Variants in USF1 observed in about 807,000 individuals in gnomAD.
The protein encoded by USF1 is upstream transcription factor 1.
Under a neutral mutation model 46.3 loss-of-function variants are expected in USF1, and 22 were observed. The observed-to-expected ratio is 0.47, with a 90% CI of 0.34 to 0.68. USF1 has a LOEUF of 0.68. Among genes scored for constraint, USF1 ranks in the 30% least tolerant of loss-of-function variants. The pLI, the probability that USF1 is intolerant of heterozygous loss-of-function variation, is 0.01. For missense variants in USF1, 287 were observed against 399.3 expected, an observed-to-expected ratio of 0.72 and a Z score of 2.40; for synonymous variants, 150 against 147.0, an observed-to-expected ratio of 1.02 and a Z score of -0.15.
chr1:161,040,030 TA>T lies in USF1; in HGVS notation c.844-22del. The T allele has an allele frequency of 6.2e-7, 1 of 1,613,878 alleles. No homozygotes were observed. Among genetic ancestry groups the T allele is most frequent in the Non-Finnish European group, 8.5e-7 (1 of 1,179,838 alleles). ...TCCACCTGACATGGGAAGGAGGCAG[TA>T]AAGGGAATGGGTAGTAAAGCTGGCA... On this transcript the variant is annotated intron_variant, in intron 10 of 10. Transcript: ENST00000368021. This position sits in a 1 kb window ranked among gnomAD's most constrained non-coding sequence, Gnocchi z 4.0.
chr1:161,039,940 T>G lies in USF1; in HGVS notation c.913A>C (p.Ile305Leu). 6.2e-7 allele frequency: 1 copy of G among 1,614,216 alleles called. No individual in the cohort carries two copies. Among genetic ancestry groups the G allele is most frequent in the East Asian group, 2.2e-5 (1 of 44,882 alleles). Residue 305 changes from isoleucine to leucine, a missense_variant, in exon 11 of 11, where the codon ATC (isoleucine) becomes CTC (leucine). Physicochemically the swap from Ile to Leu is conservative, Grantham distance 5 (BLOSUM62 2). Coordinates refer to ENST00000368021, the MANE Select transcript of USF1 (RefSeq NM_007122.5). ...CATAGTTAGTTGCTGTCATTCTTGA[T>G]GACGACCTCTAATCCGTGGTGCCGC... The part of the protein sequence containing the change: ...QLRHHGLEVV[I>L]KNDSN
In USF1 at chr1:161,039,944, G is replaced by C. The variant is rs754880813; in HGVS notation, c.909C>G (p.Val303=). 1.2e-6 allele frequency: 2 copies of C among 1,614,174 alleles called. No homozygotes were observed. Among genetic ancestry groups the C allele is most frequent in the Admixed American group, 1.7e-5 (1 of 60,020 alleles). ...RAQLRHHGLE[V]VIKNDSN is the part of the protein sequence containing the mutation. ...GTTAGTTGCTGTCATTCTTGATGAC[G>C]ACCTCTAATCCGTGGTGCCGCAACT... Residue 303 remains valine, a synonymous_variant, in exon 11 of 11, where the codon GTC becomes GTG. Transcript: ENST00000368021.
rs778763445 is a variant in USF1, at chr1:161,041,765, G to C, written c.358C>G (p.Pro120Ala). The C allele has an allele frequency of 3.1e-6, 5 of 1,614,116 alleles. No individual in the cohort carries two copies. The highest frequency in any genetic ancestry group is 1.7e-5 in the Admixed American group (1 of 60,018). The change falls in exon 6 of 11, where the codon CCC becomes GCC. Residue 120 changes from proline (P) to alanine (A), a missense_variant. Coordinates refer to ENST00000368021, the MANE Select transcript of USF1 (RefSeq NM_007122.5). Reference sequence around the variant, plus strand: ...GCCCCATCTCCCACTGCCGTGCTGGGGAAGTAAGTATAGTGCGTCTCAGCA... The same window carrying C: ...GCCCCATCTCCCACTGCCGTGCTGGCGAAGTAAGTATAGTGCGTCTCAGCA... ...TAAETHYTYF[P>A]STAVGDGAGG... is the part of the protein sequence containing the mutation.
At position 161,039,643 on chromosome 1, in the gene USF1, A is replaced by G. The variant is rs1650435401; in HGVS notation, c.*277T>C. 2.2e-6 allele frequency: 1 copy of G among 460,194 alleles called. No individual in the cohort carries two copies. Among genetic ancestry groups the G allele is most frequent in the Non-Finnish European group, 4.0e-6 (1 of 250,744 alleles). The allele number at this position is 460,194 out of a possible 1,614,324, so 28.5% of individuals were successfully genotyped here. On this transcript the variant is annotated 3_prime_UTR_variant, in exon 11 of 11. Coordinates refer to ENST00000368021, the MANE Select transcript of USF1 (RefSeq NM_007122.5). Reference sequence around the variant, plus strand: ...AGCCCCAGAGTTTAGTGTGTCCAGTATCCAGCATGGAGACAGCACATGCAT... The same window carrying G: ...AGCCCCAGAGTTTAGTGTGTCCAGTGTCCAGCATGGAGACAGCACATGCAT...
rs964931505 is a variant in USF1, at chr1:161,042,575, G to A, written c.154C>T (p.Arg52Ter). ...FPDPNVKYVF[R>*]TENGGQVMYR... ...CTTACCTGGCCCCCATTCTCAGTTC[G>A]GAAGACGTACTTGACGTTGGGGTCA... Residue 52 changes from arginine to a stop codon, truncating the protein, a stop_gained, in exon 4 of 11, where the codon CGA becomes TGA. Coordinates refer to ENST00000368021, the MANE Select transcript of USF1 (RefSeq NM_007122.5). LOFTEE classifies it high-confidence loss of function. 5.6e-6 allele frequency: 9 copies of A among 1,614,070 alleles called. No homozygotes were observed. Among genetic ancestry groups the A allele is most frequent in the African/African-American group, 1.3e-5 (1 of 74,924 alleles).
At position 161,039,952 on chromosome 1, in the gene USF1, A is replaced by G. The variant is rs1650454606; in HGVS notation, c.901T>C (p.Leu301=). ...CTGTCATTCTTGATGACGACCTCTA[A>G]TCCGTGGTGCCGCAACTGAGCTCGA... is the stretch of plus-strand genomic sequence containing the variant. ...LLRAQLRHHG[L]EVVIKNDSN Residue 301 remains leucine, a synonymous_variant, in exon 11 of 11, where the codon TTA becomes CTA. Transcript: ENST00000368021. The G allele has an allele frequency of 1.9e-6, 3 of 1,614,036 alleles. No individual in the cohort carries two copies. Among genetic ancestry groups the G allele is most frequent in the Non-Finnish European group, 2.5e-6 (3 of 1,180,036 alleles).
At chr1:161,041,137 C>G (rs1424310876) in intron 7 of USF1, among the ~76,000 whole-genome samples, 187 bp downstream of exon 7, 1 of 151,676 alleles carries the variant, frequency 6.6e-6, no homozygotes, top group African/African-American at 2.4e-5. Context: ...TGGTACATGT[C>G]TGTAGTTCCA....
At position 161,039,915 on chromosome 1, in the gene USF1, C is replaced by T. The variant is rs765518007; in HGVS notation, c.*5G>A. 4 of 1,614,006 alleles carry T rather than the reference C, an allele frequency of 2.5e-6. No homozygotes were observed. The highest frequency in any genetic ancestry group is 3.4e-6 in the Non-Finnish European group (4 of 1,180,012). ...CTTGGGCCCAAAGCCCCTGAATCCC[C>T]ATAGTTAGTTGCTGTCATTCTTGAT... On this transcript the variant is annotated 3_prime_UTR_variant, in exon 11 of 11. Coordinates refer to ENST00000368021, the MANE Select transcript of USF1 (RefSeq NM_007122.5).
rs776690861 is a variant in USF1, at chr1:161,040,802, G to T, written c.619+12C>A. 16 of 1,614,080 alleles carry T rather than the reference G, an allele frequency of 9.9e-6. 1 individual carries two copies. In the South Asian group the frequency reaches 1.4e-4, roughly 14 times the overall value. On this transcript the variant is annotated intron_variant, in intron 8 of 10. Transcript: ENST00000368021. This position sits in a 1 kb window ranked among gnomAD's most constrained non-coding sequence, Gnocchi z 4.0. ...ACCAGACAGCTTCTAGCTCCACCCAGATCATACCTACCTTCATTATGCTGA... is the reference window on the plus strand; with the variant it reads ...ACCAGACAGCTTCTAGCTCCACCCATATCATACCTACCTTCATTATGCTGA...
In USF1 at chr1:161,042,961, G is replaced by A. The variant is rs574423765; in HGVS notation, c.9-79C>T. ...CTCACTGGCCCAGTAACATATGGCT[G>A]CAAACTCATTGGCATTCCCAACAGA... On this transcript the variant is annotated intron_variant, in intron 2 of 10. Coordinates refer to ENST00000368021, the MANE Select transcript of USF1 (RefSeq NM_007122.5). 5.7e-6 allele frequency: 9 copies of A among 1,587,666 alleles called. No individual in the cohort carries two copies. In the African/African-American group the frequency reaches 8.0e-5, roughly 14 times the overall value.
In USF1 at chr1:161,039,794, C is replaced by T; in HGVS notation, c.*126G>A. 1.0e-6 allele frequency: 1 copy of T among 958,942 alleles called. No individual in the cohort carries two copies. The highest frequency in any genetic ancestry group is 1.6e-6 in the Non-Finnish European group (1 of 634,392). 59.4% of individuals were successfully genotyped at this position (958,942 alleles called of 1,614,324 possible). The stretch of plus-strand genomic sequence containing the variant: ...ATATCACAGGGCCTCAGTTCAAGGA[C>T]ACACCTTCTGAACTTCCCCCTGTCC... On this transcript the variant is annotated 3_prime_UTR_variant, in exon 11 of 11. Transcript: ENST00000368021.
In USF1 at chr1:161,040,457, AG is replaced by A; in HGVS notation, c.714+118del. ...GTGGTATAATATCTCCCAGGGATAC[AG>A]GAACCTCAGGGAGAGATAAGACTAC... On this transcript the variant is annotated intron_variant, in intron 9 of 10. Coordinates refer to ENST00000368021, the MANE Select transcript of USF1 (RefSeq NM_007122.5). The surrounding 1 kb of genome is among the most constrained non-coding windows in gnomAD (Gnocchi z 4.0). 1 of 1,553,788 alleles carries A rather than the reference AG, an allele frequency of 6.4e-7. No individual in the cohort carries two copies. The highest frequency in any genetic ancestry group is 2.3e-5 in the East Asian group (1 of 44,396).
intron 3 of USF1, 33 bp downstream of exon 3, chr1:161,042,800 G>A (rs2073655): frequency 0.26 from 415,849 of 1,613,734 alleles, 56,395 homozygotes; most frequent in Non-Finnish European, 0.27. Context: ...GCCATGATGG[G>A]TTCTTAGTCT....
rs1650499280 is a variant in USF1 at position 161,040,465 on chromosome 1, C to A, written c.714+111G>T. The stretch of plus-strand genomic sequence containing the variant: ...ATATCTCCCAGGGATACAGGAACCT[C>A]AGGGAGAGATAAGACTACTGTCATG... On this transcript the variant is annotated intron_variant, in intron 9 of 10. Transcript: ENST00000368021. This position sits in a 1 kb window ranked among gnomAD's most constrained non-coding sequence, Gnocchi z 4.0. 2 of 1,556,324 alleles carry A rather than the reference C, an allele frequency of 1.3e-6. No homozygotes were observed. The highest frequency in any genetic ancestry group is 1.7e-6 in the Non-Finnish European group (2 of 1,146,578).
Position 161,040,946 on chromosome 1 carries a change from A to T in USF1, c.561-74T>A, listed in dbSNP as rs1571047036. 6.3e-7 allele frequency: 1 copy of T among 1,596,740 alleles called. No individual in the cohort carries two copies. Among genetic ancestry groups the T allele is most frequent in the Non-Finnish European group, 8.6e-7 (1 of 1,168,100 alleles). On this transcript the variant is annotated intron_variant, in intron 7 of 10. Transcript: ENST00000368021. This position sits in a 1 kb window ranked among gnomAD's most constrained non-coding sequence, Gnocchi z 4.0. ...TTGAAGTTTGGGGTTAAGGAATTAT[A>T]CAAGATTTAGCAGGTATTAGGACCA... is the stretch of plus-strand genomic sequence containing the variant.
intron 1 of USF1, among the ~76,000 whole-genome samples, chr1:161,045,095 A>G (rs1245158824): frequency 1.3e-5 from 2 of 152,222 alleles, no homozygotes; most frequent in Admixed American, 6.5e-5. Context: ...TTCAAACCTG[A>G]AGAGGAAATG....
chr1:161,044,231 C>T (rs1310892825), intron 1 of USF1, among the ~76,000 whole-genome samples: 2 of 152,196 alleles, frequency 1.3e-5, no homozygotes, highest in African/African-American at 4.8e-5. Flanking sequence ...GCATGAGCCA[C>T]CGCACCCAGC....
rs1408145308 is a variant in USF1 at position 161,040,878 on chromosome 1, A to G, written c.561-6T>C. 1.9e-6 allele frequency: 3 copies of G among 1,614,006 alleles called. No individual in the cohort carries two copies. The highest frequency in any genetic ancestry group is 2.5e-6 in the Non-Finnish European group (3 of 1,180,026). ...TCCGGGGAGCTTCTGACTTCCTGAC[A>G]ACAGAGCCCAGGGTGGCCAGAGTAA... On this transcript the variant is annotated splice_region_variant and splice_polypyrimidine_tract_variant and intron_variant, in intron 7 of 10. Transcript: ENST00000368021. The surrounding 1 kb of genome is among the most constrained non-coding windows in gnomAD (Gnocchi z 4.0).
At chr1:161,044,209 C>T (rs1650702402) in intron 1 of USF1, among the ~76,000 whole-genome samples, 1 of 152,166 alleles carries the variant, frequency 6.6e-6, no homozygotes, top group Non-Finnish European at 1.5e-5. Flanking sequence ...TCCCAAAGTG[C>T]TTGGATTACA....
Sources: gnomAD v4.1 joint callset for allele counts (sites outside exome capture counted in the v4.1 genomes callset) on GRCh38, gnomAD v4.1.1 for gene constraint, Gnocchi (gnomAD v3.1) non-coding constraint, MANE v1.5 for transcripts, NCBI Gene and HGNC (gene_info 2026-07-23, HGNC 2026-07-21) for gene names.